The following CD302 variants were observed in gnomAD, a reference collection of about 807,000 sequenced individuals.
The protein encoded by CD302 is CD302 antigen.
CD302 carries 23 observed loss-of-function variants against 26.5 expected under a neutral mutation model. The ratio of observed to expected loss-of-function variants is 0.87; its 90% CI spans 0.62 to 1.23. The LOEUF (loss-of-function observed/expected upper bound fraction) is 1.23, where lower values mean the gene tolerates loss of function less well. Among genes scored for constraint, CD302 ranks in the 50% most tolerant of loss-of-function variants. CD302 has a pLI of 0.00. For missense variants in CD302, 290 were observed against 275.5 expected (o/e 1.05, Z -0.37); for synonymous variants, 90 against 99.4 (o/e 0.91, Z 0.56).
chr2:159,783,317 C>CTTAG, intron 2 of CD302, 42 bp downstream of exon 2: 1 of 1,470,936 alleles, frequency 6.8e-7, no homozygotes, highest in Non-Finnish European at 9.1e-7. Flanking sequence ...ACACTGTTCA[C>CTTAG]TAATTTGTGA....
At chr2:159,775,615 T>G (rs1235303827) in intron 5 of CD302, among the ~76,000 whole-genome samples, 1 of 152,250 alleles carries the variant, frequency 6.6e-6, no homozygotes, top group Non-Finnish European at 1.5e-5. Flanking sequence ...TTCCGCTGCT[T>G]GATTTTTTAA....
intron 5 of CD302, among the ~76,000 whole-genome samples, chr2:159,774,115 T>G (rs2125791794): frequency 6.6e-6 from 1 of 152,126 alleles, no homozygotes; most frequent in African/African-American, 2.4e-5. Context: ...TGAAGTTATC[T>G]CCTACTCACT....
At chr2:159,780,216 T>G (rs182350513) in intron 3 of CD302, 38 bp from the exon 4 acceptor site, 3 of 1,602,466 alleles carry the variant, frequency 1.9e-6, no homozygotes, top group Admixed American at 1.7e-5. Context: ...TATGACAGTT[T>G]TAAAAGGAGT....
At chr2:159,794,051 A>C (rs1193357157) in intron 1 of CD302, among the ~76,000 whole-genome samples, 1 of 150,250 alleles carries the variant, frequency 6.7e-6, no homozygotes, top group Non-Finnish European at 1.5e-5. Flanking sequence ...ACTTGAGCTC[A>C]GGAGTTTGGG....
chr2:159,787,741 T>C (rs72996690), intron 1 of CD302, among the ~76,000 whole-genome samples: 2,155 of 152,282 alleles, frequency 0.014, 51 homozygotes, highest in African/African-American at 0.049. Context: ...ACTGGGATAA[T>C]TTTCCATTTG....
At chr2:159,787,321 G>A (rs6720304) in intron 1 of CD302, among the ~76,000 whole-genome samples, 42,649 of 151,956 alleles carry the variant, frequency 0.28, 6,768 homozygotes, top group South Asian at 0.44. Flanking sequence ...AATACTTAAT[G>A]TAGTTACGAT....
chr2:159,781,455 G>A (rs1397259267), intron 2 of CD302: 1 of 154,362 alleles, frequency 6.5e-6, no homozygotes, highest in Non-Finnish European at 1.4e-5. Context: ...AGCTACTCAG[G>A]AGGCTGAGGC....
At chr2:159,798,075 G>T (rs760644038) in intron 1 of CD302, 57 bp downstream of exon 1, 1 of 1,458,496 alleles carries the variant, frequency 6.9e-7, no homozygotes, top group Non-Finnish European at 9.1e-7. Flanking sequence ...GCGTGCGTTG[G>T]GAAGGGGGCG....
At chr2:159,772,438 T>C (rs965493916) in intron 5 of CD302, among the ~76,000 whole-genome samples, 3 of 152,216 alleles carry the variant, frequency 2.0e-5, no homozygotes, top group Non-Finnish European at 2.9e-5. Flanking sequence ...GGTTTAATGG[T>C]TCACCTGGCT....
At chr2:159,780,323 T>TTAGAAGGA (rs1352330970) in intron 3 of CD302, 145 bp from the exon 4 acceptor site, 281 of 942,712 alleles carry the variant, frequency 3.0e-4, no homozygotes, top group Non-Finnish European at 4.0e-4. Context: ...AGGAGGAATA[T>TTAGAAGGA]ATCCTGTGTA....
Position 159,768,939 on chromosome 2 carries a change from G to A in CD302, c.*2912C>T, listed in dbSNP as rs929606143. On this transcript the variant is annotated 3_prime_UTR_variant, in exon 6 of 6. Coordinates refer to ENST00000259053, the MANE Select transcript of CD302 (RefSeq NM_014880.5). ...TATGCACATAATTCTGTATAGTTTTGTTATTAAATGCTAAATGACAGTGAT... is the reference window on the plus strand; with the variant it reads ...TATGCACATAATTCTGTATAGTTTTATTATTAAATGCTAAATGACAGTGAT... 1 of 152,084 alleles carries A rather than the reference G, an allele frequency of 6.6e-6. No homozygotes were observed. Among genetic ancestry groups the A allele is most frequent in the Non-Finnish European group, 1.5e-5 (1 of 68,000 alleles). 9.4% of individuals were successfully genotyped at this position (152,084 alleles called of 1,614,324 possible).
At chr2:159,798,078 AG>A in intron 1 of CD302, 53 bp downstream of exon 1, 2 of 1,460,212 alleles carry the variant, frequency 1.4e-6, no homozygotes, top group Admixed American at 4.4e-5. Context: ...TGCGTTGGGA[AG>A]GGGGCGAAGG....
At chr2:159,780,780 A>ACAT in intron 3 of CD302, 102 bp downstream of exon 3, 1 of 1,079,846 alleles carries the variant, frequency 9.3e-7, no homozygotes, top group Admixed American at 2.0e-5. Context: ...CCTGGAGGCC[A>ACAT]CAGGAATCAT....
intron 1 of CD302, among the ~76,000 whole-genome samples, chr2:159,786,522 CAG>C (rs1213997495): frequency 2.0e-5 from 3 of 152,056 alleles, no homozygotes; most frequent in Admixed American, 6.5e-5. Flanking sequence ...TTAGTAGAGA[CAG>C]GGTTTCACCA....
intron 1 of CD302, among the ~76,000 whole-genome samples, chr2:159,795,297 G>T (rs1708922931): frequency 6.6e-6 from 1 of 151,824 alleles, no homozygotes; most frequent in South Asian, 2.1e-4. Flanking sequence ...AATTCATTAT[G>T]AAATGAGTGC....
chr2:159,776,310 C>T (rs1178685053), intron 5 of CD302, among the ~76,000 whole-genome samples: 2 of 152,094 alleles, frequency 1.3e-5, no homozygotes, highest in African/African-American at 4.8e-5. Flanking sequence ...TGGGTTGCTT[C>T]CACCTTTTGG....
intron 1 of CD302, among the ~76,000 whole-genome samples, chr2:159,796,327 A>C (rs923296769): frequency 2.6e-5 from 4 of 152,212 alleles, no homozygotes; most frequent in African/African-American, 9.6e-5. Flanking sequence ...ATTAGCATAC[A>C]TATGAATGTG....
intron 1 of CD302, among the ~76,000 whole-genome samples, chr2:159,788,132 G>C (rs1251444724): frequency 6.6e-6 from 1 of 151,594 alleles, no homozygotes; most frequent in Non-Finnish European, 1.5e-5. Context: ...AAAGAAAAAA[G>C]GTCTTTATAC....
chr2:159,774,423 A>C (rs929394756), intron 5 of CD302, among the ~76,000 whole-genome samples: 1 of 152,144 alleles, frequency 6.6e-6, no homozygotes, highest in Non-Finnish European at 1.5e-5. Context: ...CTCTAGTTCT[A>C]ACACTGATCA....
Sources: gnomAD v4.1 joint callset for allele counts (sites outside exome capture counted in the v4.1 genomes callset) on GRCh38, gnomAD v4.1.1 for gene constraint, MANE v1.5 for transcripts, NCBI Gene and HGNC (gene_info 2026-07-23, HGNC 2026-07-21) for gene names.